The following MSRA variants were observed in gnomAD, a reference collection of about 807,000 sequenced individuals.
MSRA encodes the protein methionine sulfoxide reductase A, also known as mitochondrial peptide methionine sulfoxide reductase.
MSRA carries 54 observed loss-of-function variants against 31.3 expected under a neutral mutation model. The ratio of observed to expected loss-of-function variants is 1.73; its 90% CI spans 1.39 to 2.17. MSRA has a LOEUF of 2.17. Ranked by LOEUF, MSRA falls within the 30% of genes most tolerant of loss-of-function variation. MSRA has a pLI of 0.00. For missense variants in MSRA, 507 were observed against 300.9 expected, an observed-to-expected ratio of 1.69 and a Z score of -5.07; for synonymous variants, 169 against 116.5, an observed-to-expected ratio of 1.45 and a Z score of -2.90.
intron 4 of MSRA, among the ~76,000 whole-genome samples, chr8:10,301,901 C>T (rs558772111): frequency 6.6e-5 from 10 of 152,266 alleles, no homozygotes; most frequent in South Asian, 4.1e-4. Flanking sequence ...CAGACAATAG[C>T]GATCCGTTCA....
intron 5 of MSRA, among the ~76,000 whole-genome samples, chr8:10,413,492 C>A (rs1448277191): frequency 6.6e-6 from 1 of 151,276 alleles, no homozygotes. Context: ...GTCTGATTTT[C>A]AAGAAAAAAA....
chr8:10,384,894 C>T (rs1039600157), intron 5 of MSRA, among the ~76,000 whole-genome samples: 1 of 151,950 alleles, frequency 6.6e-6, no homozygotes, highest in Non-Finnish European at 1.5e-5. Flanking sequence ...CCCAGTTGCT[C>T]AGGAAGCTGA....
intron 3 of MSRA, among the ~76,000 whole-genome samples, chr8:10,248,131 A>C (rs1797721008): frequency 6.6e-6 from 1 of 152,244 alleles, no homozygotes; most frequent in Admixed American, 6.5e-5. Context: ...TAAGATGCAT[A>C]GTAATTGCTG....
chr8:10,365,690 C>T (rs576887036), intron 5 of MSRA, among the ~76,000 whole-genome samples: 2 of 152,208 alleles, frequency 1.3e-5, no homozygotes, highest in South Asian at 2.1e-4. Flanking sequence ...GCAGTTGTCC[C>T]GGTTTCAGGG....
chr8:10,389,790 C>CTTTTTTTTTTTTTT (rs55769720), intron 5 of MSRA, among the ~76,000 whole-genome samples: 3 of 123,400 alleles, frequency 2.4e-5, no homozygotes, highest in Non-Finnish European at 3.2e-5. Context: ...GAAACTTACT[C>CTTTTTTTTTTTTTT]TTTTTTTTTT....
At chr8:10,160,246 G>A (rs1804515638) in intron 1 of MSRA, among the ~76,000 whole-genome samples, 1 of 152,124 alleles carries the variant, frequency 6.6e-6, no homozygotes, top group Admixed American at 6.5e-5. Flanking sequence ...CACCTGCTCA[G>A]CACTTTGGGA....
chr8:10,303,777 G>T (rs369017620), intron 4 of MSRA, among the ~76,000 whole-genome samples: 1 of 152,192 alleles, frequency 6.6e-6, no homozygotes, highest in South Asian at 2.1e-4. Context: ...TCCTCCGTCA[G>T]GAACCTCTAC....
intron 5 of MSRA, among the ~76,000 whole-genome samples, chr8:10,331,325 C>T (rs917220483): frequency 2.0e-5 from 3 of 152,210 alleles, no homozygotes; most frequent in African/African-American, 7.2e-5. Flanking sequence ...CTGGCTCTGC[C>T]TGTAGTGACC....
At chr8:10,103,708 T>A (rs1399539654) in intron 1 of MSRA, among the ~76,000 whole-genome samples, 1 of 152,100 alleles carries the variant, frequency 6.6e-6, no homozygotes, top group Admixed American at 6.5e-5. Flanking sequence ...TTTATATATA[T>A]ATATATTTAA....
At chr8:10,123,233 A>G (rs1405147104) in intron 1 of MSRA, among the ~76,000 whole-genome samples, 2 of 152,166 alleles carry the variant, frequency 1.3e-5, no homozygotes, top group African/African-American at 2.4e-5. Context: ...CTGGTGTGAG[A>G]TGGTATCTCA....
chr8:10,209,543 T>A (rs1392992201), intron 2 of MSRA, among the ~76,000 whole-genome samples: 1 of 152,174 alleles, frequency 6.6e-6, no homozygotes. Context: ...ATTTTTTATT[T>A]TATTTTATTT....
At chr8:10,202,945 C>T (rs966197491) in intron 1 of MSRA, among the ~76,000 whole-genome samples, 3 of 152,032 alleles carry the variant, frequency 2.0e-5, no homozygotes, top group Non-Finnish European at 2.9e-5. Context: ...ACAGTCAGGC[C>T]GTCTTGTCCT....
chr8:10,261,241 A>G (rs1262381154), intron 3 of MSRA, among the ~76,000 whole-genome samples: 1 of 152,172 alleles, frequency 6.6e-6, no homozygotes, highest in African/African-American at 2.4e-5. Flanking sequence ...TTTAATATAC[A>G]TTTAGTATAT....
At chr8:10,305,979 T>G (rs1263640438) in intron 4 of MSRA, among the ~76,000 whole-genome samples, 2 of 152,206 alleles carry the variant, frequency 1.3e-5, no homozygotes, top group Non-Finnish European at 2.9e-5. Context: ...AACATTTGAA[T>G]CCCACTGTTT....
chr8:10,217,550 C>A (rs1358488833), intron 2 of MSRA, among the ~76,000 whole-genome samples: 5 of 152,252 alleles, frequency 3.3e-5, no homozygotes, highest in Middle Eastern at 3.4e-3. Context: ...TGAAAGATTT[C>A]AAACAAAAAT....
chr8:10,090,109 T>G (rs1402722668), intron 1 of MSRA, among the ~76,000 whole-genome samples: 2 of 152,170 alleles, frequency 1.3e-5, no homozygotes, highest in African/African-American at 4.8e-5. Context: ...ATGGTGCACA[T>G]GGAGAGCAAA....
Position 10,428,644 on chromosome 8 carries a change from C to T in MSRA, c.*332C>T, listed in dbSNP as rs1585765384. On this transcript the variant is annotated 3_prime_UTR_variant, in exon 6 of 6. Transcript: ENST00000317173. ...GGTTGCTGGACAGGATGGGGGACCC[C>T]AGAAGTCCTTTATCTGTGCTCTCTG... The T allele has an allele frequency of 3.3e-6, 1 of 303,138 alleles. No individual in the cohort carries two copies. Among genetic ancestry groups the T allele is most frequent in the South Asian group, 3.5e-5 (1 of 28,570 alleles). 18.8% of individuals were successfully genotyped at this position (303,138 alleles called of 1,614,324 possible). A position where few individuals can be genotyped will look rare whatever the true frequency, so the allele number is the denominator to read the frequency against.
chr8:10,150,403 A>G (rs1296924981), intron 1 of MSRA, among the ~76,000 whole-genome samples: 2 of 152,206 alleles, frequency 1.3e-5, no homozygotes, highest in African/African-American at 4.8e-5. Flanking sequence ...TTGCTGCATT[A>G]TATTAATTAT....
intron 1 of MSRA, among the ~76,000 whole-genome samples, chr8:10,100,518 G>A (rs2128932794): frequency 6.6e-6 from 1 of 152,256 alleles, no homozygotes; most frequent in African/African-American, 2.4e-5. Flanking sequence ...TCTGACCATG[G>A]AGTCTAGGGG....
Sources: allele counts gnomAD v4.1 joint callset (sites outside exome capture counted in the v4.1 genomes callset), GRCh38; gene constraint gnomAD v4.1.1; transcripts MANE v1.5; gene names NCBI Gene and HGNC (gene_info 2026-07-23, HGNC 2026-07-21).